The following PPT2 variants were observed in gnomAD, a reference collection of about 807,000 sequenced individuals.
PPT2 encodes the protein palmitoyl-protein thioesterase 2, also known as lysosomal thioesterase PPT2.
A neutral mutation model predicts 37.3 loss-of-function variants in PPT2; 20 were observed. The observed-to-expected ratio is 0.54, with a 90% CI of 0.38 to 0.78. The LOEUF is 0.78. PPT2 is among the 30% of genes least tolerant of loss of function. The pLI is 0.00. For synonymous variants in PPT2, 135 were observed against 159.1 expected (o/e 0.85, Z 1.14); for missense variants, 270 against 389.8 (o/e 0.69, Z 2.59).
Position 32,154,661 on chromosome 6 carries a change from C to T in PPT2, c.67C>T (p.Leu23=). The T allele has an allele frequency of 6.2e-7, 1 of 1,611,000 alleles. No homozygotes were observed. The highest frequency in any genetic ancestry group is 8.5e-7 in the Non-Finnish European group (1 of 1,178,234). The change falls in exon 2 of 9, where the codon CTG becomes TTG. Residue 23 remains leucine (L), a synonymous_variant. Transcript: ENST00000324816. The surrounding 1 kb of genome is among the most constrained non-coding windows in gnomAD (Gnocchi z 7.3). ...CCTGCTTCTGTTGCCTTTCCTGCCG[C>T]TGCTGCTGCTTGCAGCCCCCGCGCC... ...WVLLLLPFLP[L]LLLAAPAPHR...
Position 32,154,707 on chromosome 6 carries a change from C to G in PPT2, c.113C>G (p.Pro38Arg). Reference protein sequence around the residue: ...APAPHRASYKPVIVVHGLFDS... With the variant: ...APAPHRASYKRVIVVHGLFDS... ...GCGCCCCACCGCGCGTCCTACAAGC[C>G]GGTCATCGTGGTGCATGGGCTCTTC... is the stretch of plus-strand genomic sequence containing the variant. Residue 38 changes from proline (P) to arginine (R), a missense_variant, in exon 2 of 9, where the codon CCG (proline) becomes CGG (arginine). Pro to Arg is a moderately radical substitution (Grantham distance 103). Coordinates refer to ENST00000324816, the MANE Select transcript of PPT2 (RefSeq NM_005155.7). The surrounding 1 kb of genome is among the most constrained non-coding windows in gnomAD (Gnocchi z 7.3). The G allele has an allele frequency of 6.2e-7, 1 of 1,613,182 alleles. No individual in the cohort carries two copies. The highest frequency in any genetic ancestry group is 8.5e-7 in the Non-Finnish European group (1 of 1,180,026).
At chr6:32,159,555 G>A (rs2127393457) in intron 7 of PPT2, among the ~76,000 whole-genome samples, 1 of 149,708 alleles carries the variant, frequency 6.7e-6, no homozygotes, top group East Asian at 2.0e-4. Flanking sequence ...GGAAGGCACT[G>A]GACAGTTTTC....
In PPT2 at chr6:32,154,217, G is replaced by A; in HGVS notation, c.-196G>A. 1 of 1,155,246 alleles carries A rather than the reference G, an allele frequency of 8.7e-7. No homozygotes were observed. 71.6% of individuals were successfully genotyped at this position (1,155,246 alleles called of 1,614,324 possible). Reference sequence around the variant, plus strand: ...CCAGACTTGGGATAAGTAAACAGCGGGTGGAGCGAGGCCTACGGACCCAGG... The same window carrying A: ...CCAGACTTGGGATAAGTAAACAGCGAGTGGAGCGAGGCCTACGGACCCAGG... On this transcript the variant is annotated 5_prime_UTR_variant, in exon 1 of 9. Coordinates refer to ENST00000324816, the MANE Select transcript of PPT2 (RefSeq NM_005155.7). This position sits in a 1 kb window ranked among gnomAD's most constrained non-coding sequence, Gnocchi z 7.3.
intron 7 of PPT2, among the ~76,000 whole-genome samples, chr6:32,160,765 G>A (rs1002707732): frequency 5.9e-5 from 9 of 151,884 alleles, no homozygotes; most frequent in Non-Finnish European, 1.3e-4. Context: ...TTGGGAGGCC[G>A]AGGCATGAGC....
In PPT2 at chr6:32,162,481, A is replaced by G. The variant is rs1252125831; in HGVS notation, c.711-87A>G. 1.7e-5 allele frequency: 23 copies of G among 1,373,234 alleles called. No homozygotes were observed. The highest frequency in any genetic ancestry group is 2.2e-5 in the Non-Finnish European group (21 of 964,300). 85.1% of individuals were successfully genotyped at this position (1,373,234 alleles called of 1,614,324 possible). On this transcript the variant is annotated intron_variant, in intron 7 of 8. Coordinates refer to ENST00000324816, the MANE Select transcript of PPT2 (RefSeq NM_005155.7). This position sits in a 1 kb window ranked among gnomAD's most constrained non-coding sequence, Gnocchi z 5.5. The stretch of plus-strand genomic sequence containing the variant: ...GTGATTTGCCCTCCTTGGCCTCCCA[A>G]AGTGCTGCAATTACAGGCGTGTGCC...
In PPT2 at chr6:32,154,670, C is replaced by T. The variant is rs1042474476; in HGVS notation, c.76C>T (p.Leu26Phe). ...GTTGCCTTTCCTGCCGCTGCTGCTG[C>T]TTGCAGCCCCCGCGCCCCACCGCGC... ...LLLPFLPLLL[L>F]AAPAPHRASY... Residue 26 changes from leucine to phenylalanine, a missense_variant, in exon 2 of 9, where the codon CTT (leucine) becomes TTT (phenylalanine). Coordinates refer to ENST00000324816, the MANE Select transcript of PPT2 (RefSeq NM_005155.7). The surrounding 1 kb of genome is among the most constrained non-coding windows in gnomAD (Gnocchi z 7.3). 2 of 1,612,988 alleles carry T rather than the reference C, an allele frequency of 1.2e-6. No individual in the cohort carries two copies. The highest frequency in any genetic ancestry group is 2.2e-5 in the South Asian group (2 of 91,080).
chr6:32,162,432 C>T lies in PPT2; in HGVS notation c.711-136C>T. 1 of 837,128 alleles carries T rather than the reference C, an allele frequency of 1.2e-6. No homozygotes were observed. Among genetic ancestry groups the T allele is most frequent in the Middle Eastern group, 2.8e-4 (1 of 3,566 alleles). The allele number at this position is 837,128 out of a possible 1,614,324, so 51.9% of individuals were successfully genotyped here. ...ATGGGGTTTCACCATTTTGGTCAGG[C>T]TGGTCTTGAACTCCTGGCCTCAGGT... On this transcript the variant is annotated intron_variant, in intron 7 of 8. Coordinates refer to ENST00000324816, the MANE Select transcript of PPT2 (RefSeq NM_005155.7). The surrounding 1 kb of genome is among the most constrained non-coding windows in gnomAD (Gnocchi z 5.5).
In PPT2 at chr6:32,155,646, G is replaced by C. The variant is rs999743512; in HGVS notation, c.338-42G>C. The C allele has an allele frequency of 6.7e-7, 1 of 1,491,294 alleles. No homozygotes were observed. Among genetic ancestry groups the C allele is most frequent in the Non-Finnish European group, 9.3e-7 (1 of 1,071,716 alleles). 92.4% of individuals were successfully genotyped at this position (1,491,294 alleles called of 1,614,324 possible). A position where few individuals can be genotyped will look rare whatever the true frequency, so the allele number is the denominator to read the frequency against. On this transcript the variant is annotated intron_variant, in intron 3 of 8. Transcript: ENST00000324816. This position sits in a 1 kb window ranked among gnomAD's most constrained non-coding sequence, Gnocchi z 4.3. ...GGGGGTGGGGGGTGCTGCTGGCTTT[G>C]CTGTCCTTAAGTGCCTGCCCAATGT... is the stretch of plus-strand genomic sequence containing the variant.
Position 32,156,108 on chromosome 6 carries a change from G to T in PPT2, c.541+130G>T. ...GAGTTATTTGAACAGGCTCTGTTCAGAATTTTTTTTTTTTTTGAGACGGAG... is the reference window on the plus strand; with the variant it reads ...GAGTTATTTGAACAGGCTCTGTTCATAATTTTTTTTTTTTTTGAGACGGAG... On this transcript the variant is annotated intron_variant, in intron 5 of 8. Transcript: ENST00000324816. This position sits in a 1 kb window ranked among gnomAD's most constrained non-coding sequence, Gnocchi z 4.9. 2.6e-6 allele frequency: 2 copies of T among 769,396 alleles called. No homozygotes were observed. Among genetic ancestry groups the T allele is most frequent in the Non-Finnish European group, 4.2e-6 (2 of 479,148 alleles). 47.7% of individuals were successfully genotyped at this position (769,396 alleles called of 1,614,324 possible).
At position 32,154,967 on chromosome 6, in the gene PPT2, AGGGGGTGGCGTGT is replaced by A; in HGVS notation, c.184-59_184-47del. 6.2e-7 allele frequency: 1 copy of A among 1,604,940 alleles called. No homozygotes were observed. Among genetic ancestry groups the A allele is most frequent in the Non-Finnish European group, 8.5e-7 (1 of 1,174,760 alleles). ...TACAATAGACCTGTGGACGCGGGCC[AGGGGGTGGCGTGT>A]GGGAGCTTCTTAGCCTATCCCCGGT... On this transcript the variant is annotated intron_variant, in intron 2 of 8. Transcript: ENST00000324816. This position sits in a 1 kb window ranked among gnomAD's most constrained non-coding sequence, Gnocchi z 7.3.
Position 32,156,396 on chromosome 6 carries a change from GC to G in PPT2, c.541+419del, listed in dbSNP as rs2127389507. 6.6e-6 allele frequency among the ~76,000 whole-genome samples: 1 copy of G among 152,282 alleles called. No individual in the cohort carries two copies. Among genetic ancestry groups the G allele is most frequent in the South Asian group, 2.1e-4 (1 of 4,828 alleles). On this transcript the variant is annotated intron_variant, in intron 5 of 8. Transcript: ENST00000324816. The surrounding 1 kb of genome is among the most constrained non-coding windows in gnomAD (Gnocchi z 4.9). Reference sequence around the variant, plus strand: ...GCTGGGATTACAGGTGTGAACCATTGCACCTGGCCCAGAATGTTTTAAGTGT... The same window carrying G: ...GCTGGGATTACAGGTGTGAACCATTGACCTGGCCCAGAATGTTTTAAGTGT...
At chr6:32,161,447 G>A (rs1369223461) in intron 7 of PPT2, among the ~76,000 whole-genome samples, 2 of 148,318 alleles carry the variant, frequency 1.3e-5, no homozygotes, top group Non-Finnish European at 3.0e-5. Context: ...CCACCACCAT[G>A]CCCAACTAAT....
chr6:32,163,057 A>G lies in PPT2; in HGVS notation c.*107A>G, dbSNP rs745971110. On this transcript the variant is annotated 3_prime_UTR_variant, in exon 9 of 9. Coordinates refer to ENST00000324816, the MANE Select transcript of PPT2 (RefSeq NM_005155.7). Reference sequence around the variant, plus strand: ...TGCCTGTGACCACCTCATTGCTCCCATATTATCCCCCATTTTTAGTAGAGA... The same window carrying G: ...TGCCTGTGACCACCTCATTGCTCCCGTATTATCCCCCATTTTTAGTAGAGA... 68 of 1,296,360 alleles carry G rather than the reference A, an allele frequency of 5.2e-5. No homozygotes were observed. The highest frequency in any genetic ancestry group is 6.8e-5 in the Non-Finnish European group (64 of 936,660). 80.3% of individuals were successfully genotyped at this position (1,296,360 alleles called of 1,614,324 possible).
chr6:32,159,771 G>A (rs1207650004), intron 7 of PPT2, among the ~76,000 whole-genome samples: 1 of 150,214 alleles, frequency 6.7e-6, no homozygotes, highest in South Asian at 2.1e-4. Flanking sequence ...GCCCAGGCTA[G>A]AGTGTAATAG....
rs1444475336 is a variant in PPT2 at position 32,157,934 on chromosome 6, G to A, written c.710+10G>A. ...CTCCCTGGCAGTCCAGGTAATAAGG[G>A]ATTTTGTGGCCTGAAGATTGGCTAA... On this transcript the variant is annotated intron_variant, in intron 7 of 8. Transcript: ENST00000324816. 3 of 1,599,416 alleles carry A rather than the reference G, an allele frequency of 1.9e-6. No individual in the cohort carries two copies. The South Asian group carries it at 3.3e-5, about 18-fold the overall frequency.
intron 7 of PPT2, chr6:32,158,378 T>A (rs542838960): frequency 6.4e-6 from 1 of 157,162 alleles, no homozygotes; most frequent in African/African-American, 2.4e-5. Flanking sequence ...TGGACTATTA[T>A]AACAGCCTCC....
At position 32,162,275 on chromosome 6, in the gene PPT2, A is replaced by G. The variant is rs1008503880; in HGVS notation, c.711-293A>G. Among the ~76,000 whole-genome samples, 1 of 151,692 alleles carries G rather than the reference A, an allele frequency of 6.6e-6. No homozygotes were observed. Among genetic ancestry groups the G allele is most frequent in the East Asian group, 1.9e-4 (1 of 5,154 alleles). ...CGCTCTGTCACCCAGGCTGAAGTGC[A>G]GTGGTGCGATCTCGACTCAATGCAA... On this transcript the variant is annotated intron_variant, in intron 7 of 8. Coordinates refer to ENST00000324816, the MANE Select transcript of PPT2 (RefSeq NM_005155.7). This position sits in a 1 kb window ranked among gnomAD's most constrained non-coding sequence, Gnocchi z 5.5.
At position 32,154,302 on chromosome 6, in the gene PPT2, C is replaced by T. The variant is rs1582601898; in HGVS notation, c.-111C>T. On this transcript the variant is annotated 5_prime_UTR_variant, in exon 1 of 9. Transcript: ENST00000324816. This position sits in a 1 kb window ranked among gnomAD's most constrained non-coding sequence, Gnocchi z 7.3. Reference sequence around the variant, plus strand: ...GCTGCTGCTCACGGGTATTAAAGAACTCCGCGTTGTTCATGGCTGAGGCGA... The same window carrying T: ...GCTGCTGCTCACGGGTATTAAAGAATTCCGCGTTGTTCATGGCTGAGGCGA... 1 of 1,360,592 alleles carries T rather than the reference C, an allele frequency of 7.3e-7. No homozygotes were observed. Among genetic ancestry groups the T allele is most frequent in the Non-Finnish European group, 9.4e-7 (1 of 1,060,574 alleles). 84.3% of individuals were successfully genotyped at this position (1,360,592 alleles called of 1,614,324 possible). A position where few individuals can be genotyped will look rare whatever the true frequency, so the allele number is the denominator to read the frequency against.
Position 32,155,929 on chromosome 6 carries a change from C to G in PPT2, c.492C>G (p.Ile164Met). The change falls in exon 5 of 9, where the codon ATC becomes ATG. Residue 164 changes from isoleucine (I) to methionine (M), a missense_variant. Physicochemically the swap from Ile to Met is conservative, Grantham distance 10. Transcript: ENST00000324816. The surrounding 1 kb of genome is among the most constrained non-coding windows in gnomAD (Gnocchi z 4.3). ...CCATGCGGTCTAACCTCTATCGGAT[C>G]TGCTATAGCCCCTGGGGCCAGGAAT... is the stretch of plus-strand genomic sequence containing the variant. ...PTSMRSNLYR[I>M]CYSPWGQEFS... 1.2e-6 allele frequency: 2 copies of G among 1,614,124 alleles called. No homozygotes were observed. The highest frequency in any genetic ancestry group is 1.7e-6 in the Non-Finnish European group (2 of 1,180,016).
Sources: gnomAD v4.1 joint callset for allele counts (sites outside exome capture counted in the v4.1 genomes callset) on GRCh38, gnomAD v4.1.1 for gene constraint, Gnocchi (gnomAD v3.1) non-coding constraint, MANE v1.5 for transcripts, NCBI Gene and HGNC (gene_info 2026-07-23, HGNC 2026-07-21) for gene names.